Variants in CNDP1 observed in about 807,000 individuals in gnomAD.
The protein encoded by CNDP1 is beta-Ala-His dipeptidase.
A neutral mutation model predicts 58.1 loss-of-function variants in CNDP1; 44 were observed. That is an observed-to-expected ratio of 0.76 (90% CI 0.60 to 0.97). The LOEUF is 0.97. CNDP1 is among the 50% of genes least tolerant of loss of function. The probability of loss-of-function intolerance (pLI) is 0.00; values close to 1 mark genes in which losing one functional copy is unlikely to be tolerated. For missense variants in CNDP1, 616 were observed against 655.1 expected, an observed-to-expected ratio of 0.94 and a Z score of 0.65; for synonymous variants, 254 against 252.6, an observed-to-expected ratio of 1.01 and a Z score of -0.05.
At chr18:74,580,384 T>C in intron 10 of CNDP1, 113 bp downstream of exon 10, 1 of 1,061,102 alleles carries the variant, frequency 9.4e-7, no homozygotes, top group East Asian at 2.4e-5. Context: ...ACTCTCCTTT[T>C]AATACAGAGC....
In CNDP1 at chr18:74,578,193, C is replaced by T; in HGVS notation, c.1033C>T (p.Pro345Ser). Residue 345 changes from proline (P) to serine (S), a missense_variant, in exon 9 of 12, where the codon CCA (proline) becomes TCA (serine). Physicochemically the swap from Pro to Ser is moderately conservative, Grantham distance 74. Coordinates refer to ENST00000358821, the MANE Select transcript of CNDP1 (RefSeq NM_032649.6). ...EEILMHLWRY[P>S]SLSIHGIEGA... ...GATTCTAATGCACCTCTGGAGGTAC[C>T]CATCTCTTTCTATTCATGGGATCGA... The T allele has an allele frequency of 6.2e-7, 1 of 1,613,424 alleles. No homozygotes were observed. Among genetic ancestry groups the T allele is most frequent in the Non-Finnish European group, 8.5e-7 (1 of 1,179,754 alleles).
rs151254460 is a variant in CNDP1 at position 74,556,390 on chromosome 18, C to T, written c.77C>T (p.Ser26Phe). The part of the protein sequence containing the change: ...LLLLLERGMF[S>F]SPSPPPALLE... ...CTGCTGCTGGAGCGCGGCATGTTCT[C>T]CTCACCCTCCCCGCCCCCGGCGCTG... Residue 26 changes from serine (S) to phenylalanine (F), a missense_variant, in exon 2 of 12, where the codon TCC becomes TTC. By Grantham distance (155) the Ser-to-Phe change is radical. Transcript: ENST00000358821. 165 of 1,614,110 alleles carry T rather than the reference C, an allele frequency of 1.0e-4. No individual in the cohort carries two copies. In the African/African-American group the frequency reaches 1.7e-3, roughly 17 times the overall value.
In CNDP1 at chr18:74,541,164, G is replaced by A. The variant is rs531783471; in HGVS notation, c.24+6473G>A. The stretch of plus-strand genomic sequence containing the variant: ...GGGCTGCAGTTGGGAGCCATCACCC[G>A]CTGGGGGCTCACAGTGAGTGCAGCC... On this transcript the variant is annotated intron_variant, in intron 1 of 11. Coordinates refer to ENST00000358821, the MANE Select transcript of CNDP1 (RefSeq NM_032649.6). Among the ~76,000 whole-genome samples the A allele has an allele frequency of 3.9e-5, 6 of 152,352 alleles. No homozygotes were observed. In the South Asian group the frequency reaches 6.2e-4, roughly 16 times the overall value.
chr18:74,582,808 A>C lies in CNDP1; in HGVS notation c.1310-753A>C, dbSNP rs574808744. On this transcript the variant is annotated intron_variant, in intron 10 of 11. Coordinates refer to ENST00000358821, the MANE Select transcript of CNDP1 (RefSeq NM_032649.6). The stretch of plus-strand genomic sequence containing the variant: ...AAAGGGAAAGACCGGTGAAATTGAA[A>C]GTCTGGAGTGTAGTTAACAACATTG... Among the ~76,000 whole-genome samples, 12 of 152,332 alleles carry C rather than the reference A, an allele frequency of 7.9e-5. No individual in the cohort carries two copies. In the East Asian group the frequency reaches 2.3e-3, roughly 29 times the overall value.
At chr18:74,550,743 T>G (rs373900205) in intron 1 of CNDP1, among the ~76,000 whole-genome samples, 4 of 36,364 alleles carry the variant, frequency 1.1e-4, no homozygotes, top group South Asian at 8.3e-4. Flanking sequence ...CGCCCGACTA[T>G]TTTTTTTTTT....
chr18:74,549,737 G>GA (rs1372487697), intron 1 of CNDP1, among the ~76,000 whole-genome samples: 1 of 152,168 alleles, frequency 6.6e-6, no homozygotes, highest in East Asian at 1.9e-4. Flanking sequence ...AGAGACCTTT[G>GA]AGGAAGCCCC....
At chr18:74,579,252 T>C (rs71354472) in intron 9 of CNDP1, among the ~76,000 whole-genome samples, 2 of 141,160 alleles carry the variant, frequency 1.4e-5, no homozygotes, top group African/African-American at 2.7e-5. Flanking sequence ...CTCCTTTCCT[T>C]TTTCTTCCCT....
At chr18:74,544,739 A>C (rs1980714588) in intron 1 of CNDP1, among the ~76,000 whole-genome samples, 1 of 148,330 alleles carries the variant, frequency 6.7e-6, no homozygotes, top group Admixed American at 6.7e-5. Context: ...AAAAAAAAAA[A>C]AGGATATTAT....
chr18:74,573,763 T>G (rs1334567154), intron 7 of CNDP1, among the ~76,000 whole-genome samples: 1 of 152,246 alleles, frequency 6.6e-6, no homozygotes, highest in East Asian at 1.9e-4. Context: ...CTTTTTCGGC[T>G]GCGTGGCTTC....
At chr18:74,561,068 T>C (rs1320310481) in intron 4 of CNDP1, 50 bp downstream of exon 4, 2 of 1,583,276 alleles carry the variant, frequency 1.3e-6, no homozygotes, top group South Asian at 2.2e-5. Context: ...CTTGCAAGAT[T>C]GAAGGGGTGA....
chr18:74,583,537 A>G, intron 10 of CNDP1, 24 bp from the exon 11 acceptor site: 1 of 1,612,258 alleles, frequency 6.2e-7, no homozygotes, highest in Non-Finnish European at 8.5e-7. Flanking sequence ...TACCCTATTC[A>G]AATGCCTTCT....
chr18:74,580,418 G>A, intron 10 of CNDP1, 147 bp downstream of exon 10: 1 of 764,618 alleles, frequency 1.3e-6, no homozygotes, highest in Non-Finnish European at 2.1e-6. Context: ...CATGCCATGT[G>A]CAGGGCACGC....
At chr18:74,570,495 C>A (rs1981452336) in intron 6 of CNDP1, among the ~76,000 whole-genome samples, 2 of 152,078 alleles carry the variant, frequency 1.3e-5, no homozygotes, top group Non-Finnish European at 2.9e-5. Context: ...CTGATAAGAA[C>A]TGATAGTGGA....
chr18:74,568,824 A>G (rs534530490), intron 6 of CNDP1, among the ~76,000 whole-genome samples: 2 of 152,254 alleles, frequency 1.3e-5, no homozygotes, highest in South Asian at 4.2e-4. Flanking sequence ...GTCTGGAGTC[A>G]TCTGTCCATG....
At chr18:74,578,058 C>T (rs1463986664) in intron 8 of CNDP1, 105 bp from the exon 9 acceptor site, 22 of 1,004,558 alleles carry the variant, frequency 2.2e-5, no homozygotes, top group African/African-American at 4.9e-5. Flanking sequence ...TGACAGTTAA[C>T]GTGTCCTGAA....
In CNDP1 at chr18:74,578,197, C is replaced by G. The variant is rs1394260216; in HGVS notation, c.1037C>G (p.Ser346Cys). 2 of 1,613,874 alleles carry G rather than the reference C, an allele frequency of 1.2e-6. No homozygotes were observed. The highest frequency in any genetic ancestry group is 1.1e-5 in the South Asian group (1 of 91,048). ...EILMHLWRYP[S>C]LSIHGIEGAF... ...CTAATGCACCTCTGGAGGTACCCAT[C>G]TCTTTCTATTCATGGGATCGAGGGC... Residue 346 changes from serine to cysteine, a missense_variant, in exon 9 of 12, where the codon TCT (serine) becomes TGT (cysteine). Ser to Cys is a moderately radical substitution (Grantham distance 112). Transcript: ENST00000358821.
Position 74,583,575 on chromosome 18 carries a change from C to G in CNDP1, c.1324C>G (p.Pro442Ala), listed in dbSNP as rs551901499. 1 of 1,614,078 alleles carries G rather than the reference C, an allele frequency of 6.2e-7. No homozygotes were observed. The highest frequency in any genetic ancestry group is 2.2e-5 in the East Asian group (1 of 44,886). ...RAIRTVFGTEPDMIRDGSTIP... is the reference protein window; with the variant it reads ...RAIRTVFGTEADMIRDGSTIP... ...TCCTGTCTCAGTGTTTGGAACAGAA[C>G]CAGATATGATCCGGGATGGATCCAC... Residue 442 changes from proline to alanine, a missense_variant, in exon 11 of 12, where the codon CCA becomes GCA. Coordinates refer to ENST00000358821, the MANE Select transcript of CNDP1 (RefSeq NM_032649.6).
chr18:74,571,363 C>A, intron 7 of CNDP1, 93 bp downstream of exon 7: 1 of 890,156 alleles, frequency 1.1e-6, no homozygotes. Flanking sequence ...GCTTTCTGAA[C>A]CAGCTCTGAA....
chr18:74,550,472 C>A (rs1323823776), intron 1 of CNDP1, among the ~76,000 whole-genome samples: 1 of 152,058 alleles, frequency 6.6e-6, no homozygotes, highest in African/African-American at 2.4e-5. Flanking sequence ...ATTTTACAGG[C>A]TCATAGGTGA....
Sources: allele counts gnomAD v4.1 joint callset (sites outside exome capture counted in the v4.1 genomes callset), GRCh38; gene constraint gnomAD v4.1.1; transcripts MANE v1.5; gene names NCBI Gene and HGNC (gene_info 2026-07-23, HGNC 2026-07-21).